Variants in ABCA12 observed in about 807,000 individuals in gnomAD.
The protein encoded by ABCA12 is ATP binding cassette subfamily A member 12, also known as glucosylceramide transporter ABCA12.
Under a neutral mutation model 293.5 loss-of-function variants are expected in ABCA12, and 156 were observed. The observed-to-expected ratio is 0.53, with a 90% CI of 0.47 to 0.61. The LOEUF is 0.61. Ranked by LOEUF, ABCA12 falls within the 20% of genes least tolerant of loss-of-function variation. ABCA12 has a pLI of 0.00. For synonymous variants in ABCA12, 1,063 were observed against 1,108.0 expected, an observed-to-expected ratio of 0.96 and a Z score of 0.81; for missense variants, 2,797 against 3,090.2, an observed-to-expected ratio of 0.91 and a Z score of 2.25.
intron 1 of ABCA12, among the ~76,000 whole-genome samples, chr2:215,115,198 G>C (rs1445832467): frequency 1.3e-5 from 2 of 152,198 alleles, no homozygotes; most frequent in African/African-American, 4.8e-5. Flanking sequence ...TTTCAGGTCA[G>C]AGAGAGATTT....
chr2:215,045,813 C>T (rs199500776), intron 7 of ABCA12, 24 bp downstream of exon 7: 1 of 1,602,212 alleles, frequency 6.2e-7, no homozygotes, highest in East Asian at 2.2e-5. Context: ...ACTAATATTA[C>T]ATTTAATTCT....
intron 20 of ABCA12, among the ~76,000 whole-genome samples, chr2:215,002,249 CAT>C (rs915511867): frequency 8.5e-5 from 13 of 152,250 alleles, no homozygotes; most frequent in Non-Finnish European, 1.8e-4. Flanking sequence ...ATATATGCCA[CAT>C]AGTTGTGAGT....
At position 214,932,674 on chromosome 2, in the gene ABCA12, G is replaced by C; in HGVS notation, c.7748C>G (p.Thr2583Ser). The C allele has an allele frequency of 6.2e-7, 1 of 1,613,600 alleles. No homozygotes were observed. Among genetic ancestry groups the C allele is most frequent in the Non-Finnish European group, 8.5e-7 (1 of 1,179,710 alleles). Reference protein sequence around the residue: ...ETADTSSQGSTISVDSQDDQM... With the variant: ...ETADTSSQGSSISVDSQDDQM... ...GTCATCTTGTGAGTCAACACTTATA[G>C]TGGAACCTTGGCTGCTGGTATCAGC... The change falls in exon 53 of 53, where the codon ACT becomes AGT. Residue 2583 changes from threonine (T) to serine (S), a missense_variant. By Grantham distance (58) the Thr-to-Ser change is moderately conservative. Around this residue, in one of 3 missense-constraint regions of ABCA12, gnomAD observed 2,130 missense variants for 2,427.0 expected, o/e 0.88. Transcript: ENST00000272895.
At chr2:215,118,879 T>A (rs1702742588) in intron 1 of ABCA12, among the ~76,000 whole-genome samples, 1 of 152,234 alleles carries the variant, frequency 6.6e-6, no homozygotes, top group Non-Finnish European at 1.5e-5. Context: ...GCTGTTGATT[T>A]AAGTTTCTTA....
At chr2:215,113,811 T>C (rs1046868567) in intron 1 of ABCA12, among the ~76,000 whole-genome samples, 1 of 152,208 alleles carries the variant, frequency 6.6e-6, no homozygotes, top group Non-Finnish European at 1.5e-5. Flanking sequence ...ACCTGTGACT[T>C]TGTCACTAAT....
chr2:215,020,416 C>T (rs924795865), intron 11 of ABCA12, among the ~76,000 whole-genome samples: 2 of 151,852 alleles, frequency 1.3e-5, no homozygotes, highest in African/African-American at 4.8e-5. Flanking sequence ...AAGCCAGTCT[C>T]GAAAATGAAA....
chr2:215,100,540 A>C (rs1307913018), intron 2 of ABCA12, among the ~76,000 whole-genome samples: 2 of 145,452 alleles, frequency 1.4e-5, no homozygotes, highest in African/African-American at 5.1e-5. Flanking sequence ...TAATCAATGA[A>C]TATTTGAGTT....
chr2:214,989,187 C>CATACATATATATATATATATCTATAT, intron 26 of ABCA12, 142 bp downstream of exon 26: 1 of 28,016 alleles, frequency 3.6e-5, no homozygotes, highest in Non-Finnish European at 1.2e-4. Flanking sequence ...TCAATACATA[C>CATACATATATATATATATATCTATAT]ATATATATAT....
At chr2:215,096,626 A>G (rs536695373) in intron 2 of ABCA12, among the ~76,000 whole-genome samples, 1 of 152,154 alleles carries the variant, frequency 6.6e-6, no homozygotes, top group South Asian at 2.1e-4. Context: ...TATCTTTAAG[A>G]CTTACTCATT....
intron 24 of ABCA12, 75 bp downstream of exon 24, chr2:214,990,627 G>A: frequency 1.4e-6 from 2 of 1,473,316 alleles, no homozygotes; most frequent in Admixed American, 3.4e-5. Flanking sequence ...CTTTCAGTCT[G>A]AGAATCCAAA....
At chr2:214,974,087 G>A (rs771741626) in intron 35 of ABCA12, 45 bp from the exon 36 acceptor site, 5 of 1,510,198 alleles carry the variant, frequency 3.3e-6, no homozygotes, top group African/African-American at 1.4e-5. Context: ...ATGTATATGT[G>A]TTCTCATGTT....
chr2:215,135,069 T>C (rs1023384370), intron 1 of ABCA12, among the ~76,000 whole-genome samples: 2 of 152,006 alleles, frequency 1.3e-5, no homozygotes, highest in Non-Finnish European at 2.9e-5. Context: ...TTCAAGCGAT[T>C]TTCCTGCCTC....
At chr2:214,987,551 T>C in intron 27 of ABCA12, 96 bp downstream of exon 27, 1 of 1,435,418 alleles carries the variant, frequency 7.0e-7, no homozygotes, top group Non-Finnish European at 9.4e-7. Context: ...AGGATGATAA[T>C]TTTGCCATTT....
At chr2:214,961,427 G>T (rs1329234823) in intron 39 of ABCA12, among the ~76,000 whole-genome samples, 1 of 152,104 alleles carries the variant, frequency 6.6e-6, no homozygotes, top group East Asian at 1.9e-4. Flanking sequence ...CAACAAGCCT[G>T]CTGGAGTCTA....
intron 2 of ABCA12, among the ~76,000 whole-genome samples, chr2:215,077,426 G>A (rs1018672059): frequency 6.6e-6 from 1 of 152,086 alleles, no homozygotes; most frequent in Non-Finnish European, 1.5e-5. Context: ...AATTTTGTGG[G>A]TAACTCATTT....
In ABCA12 at chr2:214,954,426, G is replaced by A. The variant is rs915527412; in HGVS notation, c.6394-319C>T. Among the ~76,000 whole-genome samples the A allele has an allele frequency of 3.9e-5, 6 of 152,182 alleles. No homozygotes were observed. The East Asian group carries it at 7.7e-4, about 20-fold the overall frequency. On this transcript the variant is annotated intron_variant, in intron 43 of 52. Transcript: ENST00000272895. The stretch of plus-strand genomic sequence containing the variant: ...GCCAGTGTGTTGGGGTCTGTTACAC[G>A]GTATCATTATGTGCCTGAGGGAGGG...
chr2:214,962,924 A>C (rs915398319), intron 39 of ABCA12: 3 of 152,156 alleles, frequency 2.0e-5, no homozygotes, highest in African/African-American at 7.2e-5. Context: ...AAGTAGTGTT[A>C]AGAGGGAAAT....
intron 5 of ABCA12, 25 bp downstream of exon 5, chr2:215,052,462 C>G: frequency 1.3e-6 from 2 of 1,580,986 alleles, no homozygotes; most frequent in Non-Finnish European, 1.7e-6. Flanking sequence ...ATCACTCTAC[C>G]CATTACAAAA....
At chr2:215,040,964 T>C (rs1189601777) in intron 7 of ABCA12, among the ~76,000 whole-genome samples, 2 of 152,214 alleles carry the variant, frequency 1.3e-5, no homozygotes, top group African/African-American at 4.8e-5. Flanking sequence ...TTGCTGCACC[T>C]ACTAAGCCGT....
Sources: gnomAD v4.1 joint callset for allele counts (sites outside exome capture counted in the v4.1 genomes callset) on GRCh38, gnomAD v4.1.1 for gene constraint, gnomAD v4.1.1 regional missense constraint, MANE v1.5 for transcripts, NCBI Gene and HGNC (gene_info 2026-07-23, HGNC 2026-07-21) for gene names.